DHX35: variants seen among roughly 807,000 people sequenced by gnomAD.
DHX35 encodes DEAH-box helicase 35.
DHX35 carries 84 observed loss-of-function variants against 99.6 expected under a neutral mutation model. The ratio of observed to expected loss-of-function variants is 0.84; its 90% CI spans 0.71 to 1.01. DHX35 has a LOEUF of 1.01. Ranked by LOEUF, DHX35 falls within the 50% of genes least tolerant of loss-of-function variation. The probability of loss-of-function intolerance (pLI) is 0.00; values close to 1 mark genes in which losing one functional copy is unlikely to be tolerated. For missense variants in DHX35, 852 were observed against 888.5 expected (o/e 0.96, Z 0.52); for synonymous variants, 331 against 316.2 (o/e 1.05, Z -0.50).
At chr20:39,023,584 T>C in intron 16 of DHX35, 106 bp from the exon 17 acceptor site, 1 of 1,037,230 alleles carries the variant, frequency 9.6e-7, no homozygotes, top group Non-Finnish European at 1.5e-6. Context: ...AACTTCTGGG[T>C]TCAGGCAATC....
rs775280401 is a variant in DHX35 at position 39,010,343 on chromosome 20, C to G, written c.1286C>G (p.Pro429Arg). 6.2e-7 allele frequency: 1 copy of G among 1,614,048 alleles called. No homozygotes were observed. The highest frequency in any genetic ancestry group is 1.3e-5 in the African/African-American group (1 of 74,912). ...GAGATGCAGCGTAGTAATTTGGCAC[C>G]TGTCATCCTGCAGCTGAAAGCACTA... The part of the protein sequence containing the change: ...VPEMQRSNLA[P>R]VILQLKALGI... The change falls in exon 13 of 22, where the codon CCT becomes CGT. Residue 429 changes from proline (P) to arginine (R), a missense_variant. Pro to Arg is a moderately radical substitution (Grantham distance 103). Coordinates refer to ENST00000252011, the MANE Select transcript of DHX35 (RefSeq NM_021931.4).
chr20:38,981,211 C>T (rs2086166672), intron 3 of DHX35, among the ~76,000 whole-genome samples: 1 of 152,186 alleles, frequency 6.6e-6, no homozygotes, highest in African/African-American at 2.4e-5. Context: ...CATATTTTCA[C>T]ACTGCAAATA....
intron 19 of DHX35, 114 bp downstream of exon 19, chr20:39,028,613 A>G: frequency 2.5e-6 from 3 of 1,191,424 alleles, no homozygotes; most frequent in Non-Finnish European, 3.6e-6. Context: ...AATTTCTACC[A>G]TGTCTCCTTC....
chr20:38,988,658 G>C, intron 4 of DHX35, 155 bp from the exon 5 acceptor site: 1 of 1,088,366 alleles, frequency 9.2e-7, no homozygotes, highest in Non-Finnish European at 1.2e-6. Flanking sequence ...AATTGCAAAA[G>C]TTATTATGCT....
At chr20:39,007,779 G>A (rs555746454) in intron 12 of DHX35, among the ~76,000 whole-genome samples, 1 of 152,286 alleles carries the variant, frequency 6.6e-6, no homozygotes, top group East Asian at 1.9e-4. Flanking sequence ...AGGACCAAGG[G>A]CAACCACTGA....
intron 8 of DHX35, among the ~76,000 whole-genome samples, chr20:38,997,259 T>C (rs143457033): frequency 0.022 from 3,378 of 151,912 alleles, 125 homozygotes; most frequent in African/African-American, 0.078. Context: ...TTAGTAGAGA[T>C]GGGGTCTCAT....
At chr20:39,032,360 C>T (rs1466149052) in intron 20 of DHX35, among the ~76,000 whole-genome samples, 11 of 151,972 alleles carry the variant, frequency 7.2e-5, no homozygotes, top group East Asian at 3.9e-4. Context: ...TTAGTAGAGA[C>T]GGGGTTTTGC....
chr20:38,970,123 A>G (rs1047740143), intron 2 of DHX35, among the ~76,000 whole-genome samples: 11 of 152,140 alleles, frequency 7.2e-5, no homozygotes, highest in East Asian at 1.9e-4. Flanking sequence ...GGGTCTTCCT[A>G]TATTGTTCAG....
chr20:39,010,163 G>C, intron 12 of DHX35, 117 bp from the exon 13 acceptor site: 3 of 1,390,682 alleles, frequency 2.2e-6, no homozygotes, highest in Non-Finnish European at 3.0e-6. Context: ...ATGTGCATCT[G>C]CTTCTAGAAT....
At chr20:38,995,484 A>G (rs2086414451) in intron 8 of DHX35, among the ~76,000 whole-genome samples, 1 of 152,028 alleles carries the variant, frequency 6.6e-6, no homozygotes, top group Non-Finnish European at 1.5e-5. Flanking sequence ...AGATCGCTCC[A>G]TTGCACTCCA....
chr20:38,997,451 A>T (rs2086448873), intron 8 of DHX35, among the ~76,000 whole-genome samples: 1 of 152,214 alleles, frequency 6.6e-6, no homozygotes, highest in Non-Finnish European at 1.5e-5. Context: ...TGAAAAAAAT[A>T]GCTTCTTTCA....
intron 3 of DHX35, 49 bp from the exon 4 acceptor site, chr20:38,983,650 T>C (rs370172162): frequency 1.1e-5 from 16 of 1,509,924 alleles, no homozygotes; most frequent in Non-Finnish European, 1.5e-5. Flanking sequence ...GGGAGATTGC[T>C]CTGCAAAAGT....
chr20:38,992,215 G>A (rs1439548722), intron 6 of DHX35, 141 bp from the exon 7 acceptor site: 1 of 628,668 alleles, frequency 1.6e-6, no homozygotes, highest in African/African-American at 1.8e-5. Context: ...TTGCCTCATT[G>A]TCAAAGAAGA....
chr20:38,978,248 T>C, intron 3 of DHX35: 1 of 809,096 alleles, frequency 1.2e-6, no homozygotes, highest in South Asian at 1.3e-5. Flanking sequence ...GCTTCAACAA[T>C]GTGCAATTCA....
At chr20:39,026,362 G>A (rs977433742) in intron 18 of DHX35, among the ~76,000 whole-genome samples, 1 of 152,204 alleles carries the variant, frequency 6.6e-6, no homozygotes, top group Admixed American at 6.5e-5. Flanking sequence ...TTCCATTTAA[G>A]TCTTCTTTTG....
intron 4 of DHX35, among the ~76,000 whole-genome samples, chr20:38,986,103 A>C (rs570848888): frequency 6.6e-6 from 1 of 151,854 alleles, no homozygotes; most frequent in Non-Finnish European, 1.5e-5. Context: ...TGTCTCGTCT[A>C]CCTCATGGGC....
At chr20:39,033,048 C>T (rs1181669863) in intron 20 of DHX35, among the ~76,000 whole-genome samples, 1 of 151,990 alleles carries the variant, frequency 6.6e-6, no homozygotes, top group Non-Finnish European at 1.5e-5. Context: ...CAATACCAGC[C>T]TGGGTGCCAT....
chr20:39,010,847 T>G (rs895115270), intron 13 of DHX35, among the ~76,000 whole-genome samples: 1 of 152,142 alleles, frequency 6.6e-6, no homozygotes, highest in African/African-American at 2.4e-5. Context: ...GGAAGACCCT[T>G]GTGCCTGATT....
chr20:39,038,531 C>G lies in DHX35; in HGVS notation c.2100C>G (p.Val700=), dbSNP rs777562791. 4.3e-6 allele frequency: 7 copies of G among 1,613,012 alleles called. No homozygotes were observed. Among genetic ancestry groups the G allele is most frequent in the Middle Eastern group, 1.7e-4 (1 of 6,058 alleles). Residue 700 remains valine (V), a synonymous_variant, in exon 22 of 22, where the codon GTC becomes GTG. Coordinates refer to ENST00000252011, the MANE Select transcript of DHX35 (RefSeq NM_021931.4). The stretch of plus-strand genomic sequence containing the variant: ...CTCTGAAAGCCAAAAGGGCCAAGGT[C>G]CAGGACCCGTGAGAGGAGCCCACAG... The part of the protein sequence containing the change: ...HLSLKAKRAK[V]QDP
Sources: gnomAD v4.1 joint callset for allele counts (sites outside exome capture counted in the v4.1 genomes callset) on GRCh38, gnomAD v4.1.1 for gene constraint, MANE v1.5 for transcripts, NCBI Gene and HGNC (gene_info 2026-07-23, HGNC 2026-07-21) for gene names.